Variants in TBC1D22B observed in about 807,000 individuals in gnomAD.
The protein encoded by TBC1D22B is chromosome 6 open reading frame 197.
In TBC1D22B, 32 loss-of-function variants were observed where a neutral mutation model predicts 69.1. The ratio of observed to expected loss-of-function variants is 0.46; its 90% confidence interval spans 0.35 to 0.62. The LOEUF (loss-of-function observed/expected upper bound fraction) is 0.62, where lower values mean the gene tolerates loss of function less well. TBC1D22B is among the 20% of genes least tolerant of loss of function. The pLI is 0.00. For missense variants in TBC1D22B, 462 were observed against 630.9 expected, an observed-to-expected ratio of 0.73 and a Z score of 2.87; for synonymous variants, 206 against 229.8, an observed-to-expected ratio of 0.90 and a Z score of 0.94.
intron 8 of TBC1D22B, among the ~76,000 whole-genome samples, chr6:37,303,620 A>G (rs1380907400): frequency 6.6e-6 from 1 of 152,134 alleles, no homozygotes; most frequent in African/African-American, 2.4e-5. Flanking sequence ...TCCATCACCT[A>G]TAGGTTAAAT....
intron 12 of TBC1D22B, among the ~76,000 whole-genome samples, chr6:37,322,849 A>G (rs987257899): frequency 4.6e-5 from 7 of 152,174 alleles, no homozygotes; most frequent in Admixed American, 4.6e-4. Flanking sequence ...GGAGCAGGGG[A>G]ACACCTCCAG....
At chr6:37,282,076 C>A in intron 3 of TBC1D22B, 109 bp from the exon 4 acceptor site, 1 of 1,273,428 alleles carries the variant, frequency 7.9e-7, no homozygotes, top group Non-Finnish European at 1.1e-6. Flanking sequence ...TGCACACAGG[C>A]AGCCACACCC....
rs142500151 is a variant in TBC1D22B, at chr6:37,262,031, CTT to C, written c.56+4074_56+4075del. ...GGGCACAGGAGAAAAAAAAAATCAC[CTT>C]TTTTTTTTTTTTTTTGAGATGGGGT... On this transcript the variant is annotated intron_variant, in intron 1 of 12. Transcript: ENST00000373491. 1.1e-3 allele frequency among the ~76,000 whole-genome samples: 99 copies of C among 88,088 alleles called. 19 individuals are homozygous for C. The highest frequency in any genetic ancestry group is 1.1e-3 in the South Asian group (3 of 2,788). The allele number at this position is 88,088 out of a possible 152,430, so 57.8% of individuals were successfully genotyped here.
At chr6:37,305,090 G>A (rs1017950745) in intron 8 of TBC1D22B, among the ~76,000 whole-genome samples, 1 of 152,194 alleles carries the variant, frequency 6.6e-6, no homozygotes, top group Admixed American at 6.5e-5. Context: ...TGTGGATCCT[G>A]TTGTCTTGTC....
chr6:37,320,754 A>G (rs1222197997), intron 12 of TBC1D22B, among the ~76,000 whole-genome samples: 1 of 152,216 alleles, frequency 6.6e-6, no homozygotes, highest in African/African-American at 2.4e-5. Context: ...AAAAACTGAC[A>G]AAGGAGATCA....
At chr6:37,319,991 C>A (rs1291340285) in intron 12 of TBC1D22B, among the ~76,000 whole-genome samples, 1 of 152,202 alleles carries the variant, frequency 6.6e-6, no homozygotes, top group Non-Finnish European at 1.5e-5. Context: ...TTGTAAAAAA[C>A]CAAACATGTC....
intron 12 of TBC1D22B, among the ~76,000 whole-genome samples, chr6:37,330,222 C>CTTTTTTTTTTTTTTTTTTTTT (rs67372032): frequency 4.0e-5 from 3 of 75,582 alleles, no homozygotes; most frequent in Admixed American, 1.7e-4. Context: ...TTGTCCGTTT[C>CTTTTTTTTTTTTTTTTTTTTT]TTTTTTTTTT....
At chr6:37,258,097 C>A in intron 1 of TBC1D22B, 124 bp downstream of exon 1, 1 of 1,110,210 alleles carries the variant, frequency 9.0e-7, no homozygotes, top group Non-Finnish European at 1.3e-6. Flanking sequence ...GCTGGGACTG[C>A]CTGGTGGCGG....
At chr6:37,270,437 C>T (rs1013203662) in intron 2 of TBC1D22B, among the ~76,000 whole-genome samples, 2 of 151,896 alleles carry the variant, frequency 1.3e-5, no homozygotes, top group African/African-American at 4.8e-5. Context: ...GGCAACAAAG[C>T]GAGATGCCGT....
intron 3 of TBC1D22B, 149 bp from the exon 4 acceptor site, chr6:37,282,036 C>A: frequency 1.2e-6 from 1 of 828,374 alleles, no homozygotes; most frequent in Non-Finnish European, 1.9e-6. Flanking sequence ...TCTGGCCCCT[C>A]GCTGCCCTTC....
intron 8 of TBC1D22B, among the ~76,000 whole-genome samples, chr6:37,311,966 C>G (rs1372177171): frequency 6.6e-6 from 1 of 152,206 alleles, no homozygotes; most frequent in African/African-American, 2.4e-5. Context: ...AAGGACACAT[C>G]ACATAGCCTT....
rs11548070 is a variant in TBC1D22B, at chr6:37,279,409, C to T, written c.219C>T (p.Gly73=). 10,194 of 1,614,136 alleles carry T rather than the reference C, an allele frequency of 6.3e-3. 475 individuals are homozygous for T. In the African/African-American group the frequency reaches 0.11, roughly 18 times the overall value. ...ARNTSDAWDI[G]DDEEEDFSSP... ...ATACCAGTGATGCTTGGGACATTGG[C>T]GATGATGAGGAAGAGGACTTTTCCT... is the stretch of plus-strand genomic sequence containing the variant. The change falls in exon 3 of 13, where the codon GGC becomes GGT. Residue 73 remains glycine, a synonymous_variant. Transcript: ENST00000373491.
In TBC1D22B at chr6:37,286,987, A is replaced by G. The variant is rs757763412; in HGVS notation, c.802-20A>G. The G allele has an allele frequency of 6.3e-6, 10 of 1,586,706 alleles. No homozygotes were observed. In the Admixed American group the frequency reaches 1.5e-4, roughly 24 times the overall value. ...AAAAAACTGGCATTTGTGTTTTTGG[A>G]CATGCCTTCTCTTTTTCAGATTCAC... On this transcript the variant is annotated intron_variant, in intron 6 of 12. Transcript: ENST00000373491.
At chr6:37,292,288 T>C (rs1335034780) in intron 8 of TBC1D22B, among the ~76,000 whole-genome samples, 1 of 151,982 alleles carries the variant, frequency 6.6e-6, no homozygotes, top group African/African-American at 2.4e-5. Flanking sequence ...GAGGGTTGGG[T>C]AATGAGAAAT....
At chr6:37,324,960 T>C (rs1768350860) in intron 12 of TBC1D22B, among the ~76,000 whole-genome samples, 2 of 152,240 alleles carry the variant, frequency 1.3e-5, no homozygotes, top group African/African-American at 4.8e-5. Flanking sequence ...ATGTGAAACA[T>C]CTAGAGCCCC....
chr6:37,304,060 T>C (rs1767640565), intron 8 of TBC1D22B, among the ~76,000 whole-genome samples: 1 of 152,238 alleles, frequency 6.6e-6, no homozygotes, highest in Admixed American at 6.5e-5. Flanking sequence ...AACTGCAGAA[T>C]ACTCAGAAAT....
Position 37,297,074 on chromosome 6 carries a change from G to A in TBC1D22B, c.982+5717G>A, listed in dbSNP as rs571345168. 2.0e-5 allele frequency among the ~76,000 whole-genome samples: 3 copies of A among 152,222 alleles called. No homozygotes were observed. In the East Asian group the frequency reaches 5.8e-4, roughly 29 times the overall value. On this transcript the variant is annotated intron_variant, in intron 8 of 12. Coordinates refer to ENST00000373491, the MANE Select transcript of TBC1D22B (RefSeq NM_017772.4). ...ACTCCTGGACTCAAGCCATTTACCT[G>A]CTTCAGCCTCCTAAAGTGCTGGGAT...
At chr6:37,268,179 A>C (rs1190286232) in intron 1 of TBC1D22B, among the ~76,000 whole-genome samples, 1 of 152,112 alleles carries the variant, frequency 6.6e-6, no homozygotes, top group East Asian at 1.9e-4. Flanking sequence ...TTTTATACTT[A>C]AACAATAGTT....
rs561104261 is a variant in TBC1D22B, at chr6:37,318,852, G to C, written c.1389+1646G>C. On this transcript the variant is annotated intron_variant, in intron 12 of 12. Transcript: ENST00000373491. ...GAGAATCATTAGGGTTGGGGGTGGC[G>C]AGTGTATTGCTTTTATGCTTTGCAC... Among the ~76,000 whole-genome samples, 8 of 152,306 alleles carry C rather than the reference G, an allele frequency of 5.3e-5. No individual in the cohort carries two copies. The South Asian group carries it at 1.7e-3, about 32-fold the overall frequency.
Sources: allele counts gnomAD v4.1 joint callset (sites outside exome capture counted in the v4.1 genomes callset), GRCh38; gene constraint gnomAD v4.1.1; transcripts MANE v1.5; gene names NCBI Gene and HGNC (gene_info 2026-07-23, HGNC 2026-07-21).